The following GLIS2 variants were observed in gnomAD, a reference collection of about 807,000 sequenced individuals.
GLIS2 encodes GLIS family zinc finger 2, also known as zinc finger protein GLIS2.
Under a neutral mutation model 35.6 loss-of-function variants are expected in GLIS2, and 14 were observed. That is an observed-to-expected ratio of 0.39 (90% CI 0.26 to 0.61). The LOEUF is 0.61. Ranked by LOEUF, GLIS2 falls within the 20% of genes least tolerant of loss-of-function variation. The pLI, the probability that GLIS2 is intolerant of heterozygous loss-of-function variation, is 0.48. For missense variants in GLIS2, 675 were observed against 713.4 expected (o/e 0.95, Z 0.61); for synonymous variants, 368 against 325.1 (o/e 1.13, Z -1.42).
rs767894873 is a variant in GLIS2, at chr16:4,335,203, G to A, written c.656+10G>A. Reference sequence around the variant, plus strand: ...GAGGTTTCAACGCCAGGTGAGGTGGGGGAGAGAGGGGTAGAGGGAGGACTG... The same window carrying A: ...GAGGTTTCAACGCCAGGTGAGGTGGAGGAGAGAGGGGTAGAGGGAGGACTG... On this transcript the variant is annotated intron_variant, in intron 5 of 6. Transcript: ENST00000433375. This position sits in a 1 kb window ranked among gnomAD's most constrained non-coding sequence, Gnocchi z 4.6. The A allele has an allele frequency of 1.9e-6, 3 of 1,613,534 alleles. No homozygotes were observed. Among genetic ancestry groups the A allele is most frequent in the Admixed American group, 3.3e-5 (2 of 60,024 alleles).
rs151287903 is a variant in GLIS2, at chr16:4,335,082, T to C, written c.545T>C (p.Leu182Pro). 1.4e-5 allele frequency: 22 copies of C among 1,613,386 alleles called. No homozygotes were observed. In the African/African-American group the frequency reaches 2.7e-4, roughly 20 times the overall value. ...CAGTGTAACCAGCTCTTTGAGCTCC[T>C]GCAAGACCTGGTGGACCATGTCAAC... ...WAKCNQLFEL[L>P]QDLVDHVNDY... is the part of the protein sequence containing the mutation. The change falls in exon 5 of 7, where the codon CTG becomes CCG. Residue 182 changes from leucine (L) to proline (P), a missense_variant. Leu to Pro is a moderately conservative substitution (Grantham distance 98). Around this residue, in one of 3 missense-constraint regions of GLIS2, gnomAD observed 225 missense variants for 238.7 expected, o/e 0.94. Transcript: ENST00000433375. This position sits in a 1 kb window ranked among gnomAD's most constrained non-coding sequence, Gnocchi z 4.6.
chr16:4,317,899 C>T (rs2053332470), intron 1 of GLIS2, among the ~76,000 whole-genome samples: 2 of 152,156 alleles, frequency 1.3e-5, no homozygotes, highest in Non-Finnish European at 2.9e-5. Context: ...TAGCGCTGAC[C>T]CCCTGTGCCT....
rs2053509370 is a variant in GLIS2 at position 4,332,520 on chromosome 16, A to C, written c.172+68A>C. 5 of 1,557,002 alleles carry C rather than the reference A, an allele frequency of 3.2e-6. No homozygotes were observed. In the Admixed American group the frequency reaches 8.7e-5, roughly 27 times the overall value. On this transcript the variant is annotated intron_variant, in intron 2 of 6. Coordinates refer to ENST00000433375, the MANE Select transcript of GLIS2 (RefSeq NM_032575.3). This position sits in a 1 kb window ranked among gnomAD's most constrained non-coding sequence, Gnocchi z 5.4. Reference sequence around the variant, plus strand: ...GTCATGGTGACAGGGAGAATGGCCAAGTGTGTCCACCAGCATGTAGCTGCA... The same window carrying C: ...GTCATGGTGACAGGGAGAATGGCCACGTGTGTCCACCAGCATGTAGCTGCA...
rs1232418508 is a variant in GLIS2 at position 4,333,501 on chromosome 16, T to A, written c.327T>A (p.Pro109=). 1 of 1,611,316 alleles carries A rather than the reference T, an allele frequency of 6.2e-7. No individual in the cohort carries two copies. The change falls in exon 3 of 7, where the codon CCT becomes CCA. Residue 109 remains proline (P), a synonymous_variant. Transcript: ENST00000433375. ...AGCGCCAGGGCAACGGGGACCTGCC[T>A]CCAGTGCCCAGTGCCTCGGTAAGGA... ...SPERQGNGDL[P]PVPSASDFQP... is the part of the protein sequence containing the mutation.
intron 1 of GLIS2, among the ~76,000 whole-genome samples, chr16:4,329,996 G>C (rs2053481574): frequency 6.6e-6 from 1 of 152,178 alleles, no homozygotes; most frequent in Non-Finnish European, 1.5e-5. Flanking sequence ...ATTACACCAG[G>C]TGGGGCGAGG....
intron 1 of GLIS2, among the ~76,000 whole-genome samples, chr16:4,325,087 G>A (rs1171709735): frequency 6.6e-6 from 1 of 152,202 alleles, no homozygotes; most frequent in African/African-American, 2.4e-5. Context: ...TTTGGCAGCA[G>A]ATCTGCCCTC....
At chr16:4,331,824 C>CTGTA (rs2053499001) in intron 1 of GLIS2, 1 of 247,688 alleles carries the variant, frequency 4.0e-6, no homozygotes, top group Non-Finnish European at 8.1e-6. Flanking sequence ...CGGTGCCTGC[C>CTGTA]TGTAGTCCCA....
intron 1 of GLIS2, among the ~76,000 whole-genome samples, chr16:4,321,895 G>A (rs1260384973): frequency 6.6e-6 from 1 of 152,144 alleles, no homozygotes; most frequent in East Asian, 1.9e-4. Flanking sequence ...TGATGCATTG[G>A]CAAGGACTTG....
intron 1 of GLIS2, among the ~76,000 whole-genome samples, chr16:4,317,144 G>C (rs2053321922): frequency 6.6e-6 from 1 of 152,158 alleles, no homozygotes; most frequent in South Asian, 2.1e-4. Context: ...GGAAGCAATG[G>C]TTTCAAGGAG....
intron 1 of GLIS2, among the ~76,000 whole-genome samples, chr16:4,321,571 C>T (rs2053379989): frequency 6.6e-6 from 1 of 152,142 alleles, no homozygotes; most frequent in Non-Finnish European, 1.5e-5. Context: ...CTCAGCAGGC[C>T]CCCTCCTGTG....
At chr16:4,316,348 T>C (rs1327997510) in intron 1 of GLIS2, among the ~76,000 whole-genome samples, 94 bp downstream of exon 1, 3 of 94,194 alleles carry the variant, frequency 3.2e-5, no homozygotes, top group Non-Finnish European at 6.4e-5. Flanking sequence ...GGCCCGAGGG[T>C]CTCCTCCCCC....
At chr16:4,321,747 G>A (rs565771676) in intron 1 of GLIS2, among the ~76,000 whole-genome samples, 14 of 152,146 alleles carry the variant, frequency 9.2e-5, no homozygotes, top group African/African-American at 3.4e-4. Flanking sequence ...GGAGCTGCCC[G>A]GCGTCCCAGA....
Position 4,332,201 on chromosome 16 carries a change from C to T in GLIS2, c.-66-14C>T. 2 of 1,536,118 alleles carry T rather than the reference C, an allele frequency of 1.3e-6. No homozygotes were observed. Among genetic ancestry groups the T allele is most frequent in the Admixed American group, 1.9e-5 (1 of 53,210 alleles). On this transcript the variant is annotated splice_polypyrimidine_tract_variant and intron_variant, in intron 1 of 6. Transcript: ENST00000433375. This position sits in a 1 kb window ranked among gnomAD's most constrained non-coding sequence, Gnocchi z 5.4. ...GGGTCTCAGTGCCACAGCACAGCTC[C>T]TGTCCTTCCCCAGGTTCCTGCGTGA...
chr16:4,333,135 C>A (rs1172087994), intron 2 of GLIS2, among the ~76,000 whole-genome samples: 5 of 152,168 alleles, frequency 3.3e-5, no homozygotes, highest in African/African-American at 1.2e-4. Flanking sequence ...CTCCCCGGCT[C>A]ACGGGGGCCA....
At chr16:4,318,281 C>G (rs1176660581) in intron 1 of GLIS2, among the ~76,000 whole-genome samples, 1 of 152,200 alleles carries the variant, frequency 6.6e-6, no homozygotes, top group Admixed American at 6.5e-5. Flanking sequence ...GACTCCTCCC[C>G]TCTCCCGGCC....
chr16:4,326,109 G>C (rs1350827155), intron 1 of GLIS2, among the ~76,000 whole-genome samples: 2 of 151,980 alleles, frequency 1.3e-5, no homozygotes, highest in African/African-American at 4.8e-5. Context: ...GCCGGGTGTG[G>C]TGGTGGGCGC....
chr16:4,333,475 G>A lies in GLIS2; in HGVS notation c.301G>A (p.Glu101Lys), dbSNP rs751337333. Residue 101 changes from glutamate (E) to lysine (K), a missense_variant, in exon 3 of 7, where the codon GAG (glutamate) becomes AAG (lysine). By Grantham distance (56) the Glu-to-Lys change is moderately conservative. Coordinates refer to ENST00000433375, the MANE Select transcript of GLIS2 (RefSeq NM_032575.3). ...SPNGSSSLSPERQGNGDLPPV... is the reference protein window; with the variant it reads ...SPNGSSSLSPKRQGNGDLPPV... ...CAATGGCAGCAGCTCGCTGTCCCCCGAGCGCCAGGGCAACGGGGACCTGCC... is the reference window on the plus strand; with the variant it reads ...CAATGGCAGCAGCTCGCTGTCCCCCAAGCGCCAGGGCAACGGGGACCTGCC... 1.3e-5 allele frequency: 21 copies of A among 1,612,366 alleles called. No individual in the cohort carries two copies. The highest frequency in any genetic ancestry group is 8.8e-5 in the South Asian group (8 of 91,060).
intron 1 of GLIS2, chr16:4,329,304 G>T (rs1306201135): frequency 6.6e-6 from 1 of 152,226 alleles, no homozygotes. Context: ...CCACCTGCTA[G>T]CGGGGGTGTG....
At chr16:4,317,216 C>A (rs1057397347) in intron 1 of GLIS2, among the ~76,000 whole-genome samples, 1 of 152,160 alleles carries the variant, frequency 6.6e-6, no homozygotes, top group Non-Finnish European at 1.5e-5. Context: ...GCCCTGGGCC[C>A]CCAGCCATCA....
Sources: allele counts gnomAD v4.1 joint callset (sites outside exome capture counted in the v4.1 genomes callset), GRCh38; gene constraint gnomAD v4.1.1; regional missense constraint gnomAD v4.1.1; non-coding constraint Gnocchi (gnomAD v3.1); transcripts MANE v1.5; gene names NCBI Gene and HGNC (gene_info 2026-07-23, HGNC 2026-07-21).